TACR1: variants seen among roughly 807,000 people sequenced by gnomAD.
The protein encoded by TACR1 is substance-P receptor.
TACR1 carries 25 observed loss-of-function variants against 35.8 expected under a neutral mutation model. That is an observed-to-expected ratio of 0.70 (90% CI 0.51 to 0.98). The LOEUF is 0.98. TACR1 is among the 50% of genes least tolerant of loss of function. The pLI, the probability that TACR1 is intolerant of heterozygous loss-of-function variation, is 0.00. For missense variants in TACR1, 478 were observed against 522.9 expected, an observed-to-expected ratio of 0.91 and a Z score of 0.84; for synonymous variants, 195 against 206.7, an observed-to-expected ratio of 0.94 and a Z score of 0.48.
At chr2:75,073,784 G>C (rs765328691) in intron 2 of TACR1, among the ~76,000 whole-genome samples, 5 of 152,048 alleles carry the variant, frequency 3.3e-5, no homozygotes, top group Non-Finnish European at 7.3e-5. Flanking sequence ...GCCCTGGGCA[G>C]ATTCTCCTTC....
At chr2:75,134,010 A>C (rs951353230) in intron 1 of TACR1, among the ~76,000 whole-genome samples, 5 of 152,180 alleles carry the variant, frequency 3.3e-5, no homozygotes, top group African/African-American at 1.2e-4. Flanking sequence ...TTACACTCCC[A>C]CCAGTGCTAT....
intron 1 of TACR1, among the ~76,000 whole-genome samples, chr2:75,141,704 G>A (rs1251039527): frequency 6.6e-6 from 1 of 152,196 alleles, no homozygotes; most frequent in Non-Finnish European, 1.5e-5. Flanking sequence ...GCAGATGAAT[G>A]AGGCATGGCT....
Position 75,195,046 on chromosome 2 carries a change from G to A in TACR1, c.389+3500C>T, listed in dbSNP as rs559451821. Reference sequence around the variant, plus strand: ...TCCTGAAAATGGGGGTTAGGGGAACGGGGCTGTTGAGGGGGGAGTCATCAC... The same window carrying A: ...TCCTGAAAATGGGGGTTAGGGGAACAGGGCTGTTGAGGGGGGAGTCATCAC... On this transcript the variant is annotated intron_variant, in intron 1 of 4. Transcript: ENST00000305249. 3.3e-5 allele frequency among the ~76,000 whole-genome samples: 5 copies of A among 152,246 alleles called. No homozygotes were observed. The South Asian group carries it at 1.0e-3, about 32-fold the overall frequency.
intron 1 of TACR1, among the ~76,000 whole-genome samples, chr2:75,160,429 C>G (rs1008882324): frequency 1.3e-5 from 2 of 151,832 alleles, no homozygotes; most frequent in Non-Finnish European, 2.9e-5. Flanking sequence ...TAGTTTTGGA[C>G]TTTAAAAGCT....
At chr2:75,133,682 A>G (rs1436084207) in intron 1 of TACR1, among the ~76,000 whole-genome samples, 1 of 152,146 alleles carries the variant, frequency 6.6e-6, no homozygotes, top group African/African-American at 2.4e-5. Context: ...CACTGTCAAC[A>G]ATGAGTGCAA....
At chr2:75,157,170 G>A (rs1414711496) in intron 1 of TACR1, among the ~76,000 whole-genome samples, 1 of 152,122 alleles carries the variant, frequency 6.6e-6, no homozygotes, top group Non-Finnish European at 1.5e-5. Context: ...TGATAAGGAG[G>A]AGGATGAAGA....
intron 2 of TACR1, among the ~76,000 whole-genome samples, chr2:75,078,361 G>A (rs952793207): frequency 6.6e-6 from 1 of 151,828 alleles, no homozygotes; most frequent in African/African-American, 2.4e-5. Flanking sequence ...GTAGAGAAGA[G>A]ATTATAGCCC....
chr2:75,048,469 G>A lies in TACR1; in HGVS notation c.*963C>T, dbSNP rs1398163130. ...AGGATTTTAAGATAAATCGGAGAAT[G>A]TCTGAGATGGATAGTTACAGATGGC... On this transcript the variant is annotated 3_prime_UTR_variant, in exon 5 of 5. Coordinates refer to ENST00000305249, the MANE Select transcript of TACR1 (RefSeq NM_001058.4). The A allele has an allele frequency of 3.3e-5, 5 of 152,218 alleles. No individual in the cohort carries two copies. Among genetic ancestry groups the A allele is most frequent in the Non-Finnish European group, 7.3e-5 (5 of 68,040 alleles). The allele number at this position is 152,218 out of a possible 1,614,324, so 9.4% of individuals were successfully genotyped here.
At chr2:75,110,217 A>C (rs1442711948) in intron 2 of TACR1, among the ~76,000 whole-genome samples, 1 of 152,102 alleles carries the variant, frequency 6.6e-6, no homozygotes, top group Non-Finnish European at 1.5e-5. Context: ...ACAGTGTCTT[A>C]AGAATTTAGA....
chr2:75,173,886 C>T (rs1675348488), intron 1 of TACR1, among the ~76,000 whole-genome samples: 1 of 152,208 alleles, frequency 6.6e-6, no homozygotes, highest in African/African-American at 2.4e-5. Flanking sequence ...AATGAGGTGT[C>T]TTACTCTGCT....
chr2:75,049,680 T>C lies in TACR1; in HGVS notation c.976A>G (p.Ile326Val). The change falls in exon 5 of 5, where the codon ATC becomes GTC. Residue 326 changes from isoleucine (I) to valine (V), a missense_variant. By Grantham distance (29) the Ile-to-Val change is conservative. Transcript: ENST00000305249. ...AGCCCCTCATAGTCGCCGGCGCTGA[T>C]GAAGGGGCAGCACCGGAAGGCATGC... ...FKHAFRCCPF[I>V]SAGDYEGLEM... 2 of 1,614,040 alleles carry C rather than the reference T, an allele frequency of 1.2e-6. No individual in the cohort carries two copies. Among genetic ancestry groups the C allele is most frequent in the Non-Finnish European group, 1.7e-6 (2 of 1,179,986 alleles).
chr2:75,071,323 G>A (rs1414205903), intron 2 of TACR1, among the ~76,000 whole-genome samples: 1 of 152,200 alleles, frequency 6.6e-6, no homozygotes, highest in Admixed American at 6.5e-5. Flanking sequence ...TGCCTTCACT[G>A]GCCTTATTTA....
chr2:75,121,867 C>T (rs142722334), intron 1 of TACR1, among the ~76,000 whole-genome samples: 178 of 152,272 alleles, frequency 1.2e-3, no homozygotes, highest in Non-Finnish European at 2.2e-3. Flanking sequence ...GAATGGTCAA[C>T]GGAGACTTCA....
In TACR1 at chr2:75,198,656, A is replaced by C. The variant is rs1049170666; in HGVS notation, c.279T>G (p.Ala93=). The stretch of plus-strand genomic sequence containing the variant: ...GGCCGTAGTACCATTCGTTGTGGAC[A>C]GCATAGGTGAAGTTCACCACTGTAT... ...AFNTVVNFTY[A]VHNEWYYGLF... is the part of the protein sequence containing the mutation. The change falls in exon 1 of 5, where the codon GCT becomes GCG. Residue 93 remains alanine (A), a synonymous_variant. Transcript: ENST00000305249. 2 of 1,614,250 alleles carry C rather than the reference A, an allele frequency of 1.2e-6. No homozygotes were observed. Among genetic ancestry groups the C allele is most frequent in the Non-Finnish European group, 1.7e-6 (2 of 1,180,034 alleles).
At chr2:75,120,946 C>G (rs1025568980) in intron 1 of TACR1, among the ~76,000 whole-genome samples, 178 bp from the exon 2 acceptor site, 1 of 152,170 alleles carries the variant, frequency 6.6e-6, no homozygotes. Flanking sequence ...ATATGCCATA[C>G]AATGCCAACA....
Position 75,049,322 on chromosome 2 carries a change from A to T in TACR1, c.*110T>A. The T allele has an allele frequency of 7.9e-7, 1 of 1,258,232 alleles. No homozygotes were observed. The highest frequency in any genetic ancestry group is 2.6e-4 in the Middle Eastern group (1 of 3,806). The allele number at this position is 1,258,232 out of a possible 1,614,324, so 77.9% of individuals were successfully genotyped here. On this transcript the variant is annotated 3_prime_UTR_variant, in exon 5 of 5. Transcript: ENST00000305249. ...CCTAACCCATACTGACCCTTTTTGCAAGTCCCAGTGTGAGGGTGTTTCTGA... is the reference window on the plus strand; with the variant it reads ...CCTAACCCATACTGACCCTTTTTGCTAGTCCCAGTGTGAGGGTGTTTCTGA...
Position 75,087,611 on chromosome 2 carries a change from C to G in TACR1, c.584+32963G>C, listed in dbSNP as rs76357502. On this transcript the variant is annotated intron_variant, in intron 2 of 4. Transcript: ENST00000305249. ...TAAGCAGAAATCTGTGATTAAACGC[C>G]GTGTTGTGCTAGTTAACATTTCCCC... is the stretch of plus-strand genomic sequence containing the variant. Among the ~76,000 whole-genome samples the G allele has an allele frequency of 1.5e-4, 23 of 152,254 alleles. No homozygotes were observed. The South Asian group carries it at 4.8e-3, about 32-fold the overall frequency.
chr2:75,102,656 G>A (rs973521791), intron 2 of TACR1, among the ~76,000 whole-genome samples: 1 of 151,968 alleles, frequency 6.6e-6, no homozygotes, highest in African/African-American at 2.4e-5. Context: ...AATCTATGCT[G>A]AGCTTAAAAG....
rs1006343525 is a variant in TACR1, at chr2:75,067,800, T to C, written c.585-14045A>G. Among the ~76,000 whole-genome samples, 8 of 151,970 alleles carry C rather than the reference T, an allele frequency of 5.3e-5. No homozygotes were observed. The South Asian group carries it at 6.2e-4, about 12-fold the overall frequency. ...TGGAGAAGCTAACAGAATGCCTCTG[T>C]GGCTTGAGTGGAGGGGTTGAGGGGT... On this transcript the variant is annotated intron_variant, in intron 2 of 4. Transcript: ENST00000305249.
Sources: allele counts gnomAD v4.1 joint callset (sites outside exome capture counted in the v4.1 genomes callset), GRCh38; gene constraint gnomAD v4.1.1; transcripts MANE v1.5; gene names NCBI Gene and HGNC (gene_info 2026-07-23, HGNC 2026-07-21).